ABCA13: variants seen among roughly 807,000 people sequenced by gnomAD.
ABCA13 encodes the protein ATP binding cassette subfamily A member 13, also known as ATP-binding cassette sub-family A member 13.
A neutral mutation model predicts 478.7 loss-of-function variants in ABCA13; 476 were observed. That is an observed-to-expected ratio of 0.99 (90% confidence interval 0.92 to 1.07). The LOEUF (loss-of-function observed/expected upper bound fraction) is 1.07, where lower values mean the gene tolerates loss of function less well. Among genes scored for constraint, ABCA13 ranks in the 50% least tolerant of loss-of-function variants. The pLI, the probability that ABCA13 is intolerant of heterozygous loss-of-function variation, is 0.00. For missense variants in ABCA13, 6,060 were observed against 5,910.6 expected (o/e 1.03, Z -0.83); for synonymous variants, 2,252 against 2,158.9 (o/e 1.04, Z -1.20).
intron 48 of ABCA13, among the ~76,000 whole-genome samples, chr7:48,498,851 G>A (rs1830495425): frequency 6.6e-6 from 1 of 152,184 alleles, no homozygotes; most frequent in South Asian, 2.1e-4. Context: ...AAGAACTTGG[G>A]TGAGCACCGG....
intron 40 of ABCA13, among the ~76,000 whole-genome samples, chr7:48,412,152 C>T (rs1165779742): frequency 1.3e-5 from 2 of 152,156 alleles, no homozygotes; most frequent in East Asian, 3.9e-4. Context: ...CAAGGTTTAT[C>T]ACTGCAGATT....
intron 41 of ABCA13, among the ~76,000 whole-genome samples, chr7:48,423,344 G>A (rs555281062): frequency 6.6e-6 from 1 of 152,340 alleles, no homozygotes; most frequent in East Asian, 1.9e-4. Context: ...TCATCACTCA[G>A]CTGGGTTCCA....
chr7:48,591,636 A>G (rs1022541561), intron 57 of ABCA13, among the ~76,000 whole-genome samples: 1 of 151,890 alleles, frequency 6.6e-6, no homozygotes, highest in Non-Finnish European at 1.5e-5. Context: ...ATTTGTCTTC[A>G]ATTTCTTTAA....
chr7:48,496,695 T>C (rs540216230), intron 48 of ABCA13, among the ~76,000 whole-genome samples: 1 of 152,294 alleles, frequency 6.6e-6, no homozygotes, highest in East Asian at 1.9e-4. Flanking sequence ...TTGAAAGATA[T>C]TTTCACTGAA....
At position 48,646,529 on chromosome 7, in the gene ABCA13, T is replaced by TTTA. The variant is rs1795445460; in HGVS notation, c.*1019_*1020insATT. 3 of 149,756 alleles carry TTTA rather than the reference T, an allele frequency of 2.0e-5. No homozygotes were observed. Among genetic ancestry groups the TTTA allele is most frequent in the South Asian group, 2.1e-4 (1 of 4,794 alleles). 9.3% of individuals were successfully genotyped at this position (149,756 alleles called of 1,614,324 possible). A position where few individuals can be genotyped will look rare whatever the true frequency, so the allele number is the denominator to read the frequency against. Reference sequence around the variant, plus strand: ...TGTAGTCTTTTTTATTTATTTATTTTTTTTTTTTGAGGCGGAGTCTCGCTC... The same window carrying TTTA: ...TGTAGTCTTTTTTATTTATTTATTTTTTATTTTTTTTGAGGCGGAGTCTCGCTC... On this transcript the variant is annotated 3_prime_UTR_variant, in exon 62 of 62. Coordinates refer to ENST00000435803, the MANE Select transcript of ABCA13 (RefSeq NM_152701.5).
chr7:48,201,922 C>T (rs975719936), intron 3 of ABCA13, among the ~76,000 whole-genome samples: 7 of 151,912 alleles, frequency 4.6e-5, no homozygotes, highest in African/African-American at 1.7e-4. Flanking sequence ...CTGGTGGGTT[C>T]GTGGTCTCGC....
intron 25 of ABCA13, 79 bp from the exon 26 acceptor site, chr7:48,314,153 G>C: frequency 6.9e-7 from 1 of 1,439,342 alleles, no homozygotes; most frequent in Non-Finnish European, 9.5e-7. Context: ...GTGGAGGAAG[G>C]AACTAGACTT....
intron 16 of ABCA13, 95 bp downstream of exon 16, chr7:48,269,189 T>G (rs1039241236): frequency 3.0e-6 from 2 of 677,090 alleles, no homozygotes; most frequent in African/African-American, 3.7e-5. Flanking sequence ...TTAAAATTTA[T>G]GAGCCTGATT....
At chr7:48,324,227 G>T (rs977800671) in intron 27 of ABCA13, among the ~76,000 whole-genome samples, 1 of 152,070 alleles carries the variant, frequency 6.6e-6, no homozygotes, top group Non-Finnish European at 1.5e-5. Context: ...GTTTTTCCTG[G>T]GGCCTCTGGC....
At chr7:48,232,160 T>TTTTTTTTTTTTTTTG (rs1789231850) in intron 7 of ABCA13, among the ~76,000 whole-genome samples, 1 of 135,230 alleles carries the variant, frequency 7.4e-6, no homozygotes, top group East Asian at 2.3e-4. Flanking sequence ...TTTTTTTTTT[T>TTTTTTTTTTTTTTTG]TTTTAGCTTT....
rs1053002730 is a variant in ABCA13, at chr7:48,647,245, G to T, written c.*1733G>T. ...TCTATACAAAAGATATTTTTTAAAC[G>T]GTAAGGATTAAGACAATCACTGATA... On this transcript the variant is annotated 3_prime_UTR_variant, in exon 62 of 62. Coordinates refer to ENST00000435803, the MANE Select transcript of ABCA13 (RefSeq NM_152701.5). 5 of 151,952 alleles carry T rather than the reference G, an allele frequency of 3.3e-5. No homozygotes were observed. The highest frequency in any genetic ancestry group is 1.2e-4 in the African/African-American group (5 of 41,362). 9.4% of individuals were successfully genotyped at this position (151,952 alleles called of 1,614,324 possible).
chr7:48,480,901 A>G (rs1214074090), intron 45 of ABCA13, 135 bp from the exon 46 acceptor site: 3 of 632,190 alleles, frequency 4.7e-6, no homozygotes, highest in Non-Finnish European at 8.3e-6. Context: ...AGAAATTAGA[A>G]CATATAAAGG....
At chr7:48,244,023 G>A (rs770834711) in intron 10 of ABCA13, among the ~76,000 whole-genome samples, 1 of 152,118 alleles carries the variant, frequency 6.6e-6, no homozygotes, top group Non-Finnish European at 1.5e-5. Flanking sequence ...TTTCTTTCCA[G>A]CTTCTCTTCT....
chr7:48,481,109 G>C lies in ABCA13; in HGVS notation c.13049G>C (p.Gly4350Ala), dbSNP rs1280149164. ...HLGHTLLNLSGFNMEEYLLAP... is the reference protein window; with the variant it reads ...HLGHTLLNLSAFNMEEYLLAP... ...GGCCACACACTGTTGAATCTCTCAG[G>C]CTTCAATATGGAGGAGTACTTGCTG... The change falls in exon 46 of 62, where the codon GGC (glycine) becomes GCC (alanine). Residue 4350 changes from glycine to alanine, a missense_variant. Coordinates refer to ENST00000435803, the MANE Select transcript of ABCA13 (RefSeq NM_152701.5). 6.3e-7 allele frequency: 1 copy of C among 1,599,422 alleles called. No homozygotes were observed. The highest frequency in any genetic ancestry group is 1.1e-5 in the South Asian group (1 of 87,616).
chr7:48,605,172 CTCTT>C (rs149650024), intron 58 of ABCA13, among the ~76,000 whole-genome samples: 3,137 of 152,132 alleles, frequency 0.021, 104 homozygotes, highest in African/African-American at 0.071. Context: ...TGGGTCTTGA[CTCTT>C]TATCTAATTT....
At chr7:48,622,060 G>A (rs151012578) in intron 59 of ABCA13, among the ~76,000 whole-genome samples, 13 of 152,160 alleles carry the variant, frequency 8.5e-5, no homozygotes, top group South Asian at 4.1e-4. Flanking sequence ...TCATTCCAGC[G>A]CTTCCCTTCT....
intron 27 of ABCA13, among the ~76,000 whole-genome samples, chr7:48,319,913 TAGTA>T (rs1412016192): frequency 6.6e-6 from 1 of 152,134 alleles, no homozygotes; most frequent in Non-Finnish European, 1.5e-5. Context: ...CACGGACCCT[TAGTA>T]AGGCCTTCCG....
At chr7:48,225,021 G>C (rs193207107) in intron 5 of ABCA13, among the ~76,000 whole-genome samples, 1 of 151,744 alleles carries the variant, frequency 6.6e-6, no homozygotes, top group African/African-American at 2.4e-5. Context: ...ATGCTCTGTC[G>C]TTGAGCTTCA....
chr7:48,464,595 G>T (rs1032342730), intron 43 of ABCA13, among the ~76,000 whole-genome samples: 22 of 152,196 alleles, frequency 1.4e-4, no homozygotes, highest in African/African-American at 5.1e-4. Context: ...AATGTAATGA[G>T]TTGCATTTCT....
Sources: allele counts gnomAD v4.1 joint callset (sites outside exome capture counted in the v4.1 genomes callset), GRCh38; gene constraint gnomAD v4.1.1; transcripts MANE v1.5; gene names NCBI Gene and HGNC (gene_info 2026-07-23, HGNC 2026-07-21).